SLC12A3: variants seen among roughly 807,000 people sequenced by gnomAD.
SLC12A3 encodes solute carrier family 12 member 3.
In SLC12A3, 104 loss-of-function variants were observed where a neutral mutation model predicts 121.0. The ratio of observed to expected loss-of-function variants is 0.86; its 90% CI spans 0.73 to 1.01. The LOEUF is 1.01. Among genes scored for constraint, SLC12A3 ranks in the 50% least tolerant of loss-of-function variants. SLC12A3 has a pLI of 0.00. For missense variants in SLC12A3, 1,328 were observed against 1,356.3 expected (o/e 0.98, Z 0.33); for synonymous variants, 536 against 533.4 (o/e 1.00, Z -0.07).
intron 23 of SLC12A3, among the ~76,000 whole-genome samples, chr16:56,900,550 A>ATTTATTTATTTATTTATTT (rs2055524558): frequency 2.8e-5 from 2 of 70,784 alleles, no homozygotes; most frequent in African/African-American, 2.1e-4. Context: ...TTTATTTATG[A>ATTTATTTATTTATTTATTT]GATAGAGTCT....
intron 22 of SLC12A3, among the ~76,000 whole-genome samples, chr16:56,898,065 C>T (rs2055489257): frequency 6.6e-6 from 1 of 152,190 alleles, no homozygotes; most frequent in Admixed American, 6.5e-5. Flanking sequence ...CACCCCCCTG[C>T]ACCCCGATGC....
intron 21 of SLC12A3, 51 bp downstream of exon 21, chr16:56,893,105 G>A (rs753159952): frequency 6.8e-7 from 1 of 1,461,052 alleles, no homozygotes; most frequent in Admixed American, 1.8e-5. Context: ...GCGGGGTGGT[G>A]GTGGTCTTCC....
Position 56,879,227 on chromosome 16 carries a change from G to C in SLC12A3, c.1335G>C (p.Gln445His), listed in dbSNP as rs751719312. 4 of 1,613,886 alleles carry C rather than the reference G, an allele frequency of 2.5e-6. No individual in the cohort carries two copies. Among genetic ancestry groups the C allele is most frequent in the Non-Finnish European group, 3.4e-6 (4 of 1,180,036 alleles). ...ACTACGGCCTCATCAACTATTACCA[G>C]GTACTGCCAGGAGAGCTGACCCACC... ...SCHYGLINYY[Q>H]TMSMVSGFAP... Residue 445 changes from glutamine to histidine, a missense_variant and splice_region_variant, in exon 10 of 26, where the codon CAG becomes CAC. Coordinates refer to ENST00000563236, the MANE Select transcript of SLC12A3 (RefSeq NM_001126108.2).
At chr16:56,879,023 A>G in intron 9 of SLC12A3, 50 bp from the exon 10 acceptor site, 1 of 1,566,734 alleles carries the variant, frequency 6.4e-7, no homozygotes, top group Non-Finnish European at 8.6e-7. Flanking sequence ...GGAAGAGGAC[A>G]GAGTAAGGAG....
chr16:56,902,303 G>A (rs750608918), intron 23 of SLC12A3, 70 bp from the exon 24 acceptor site: 152 of 1,603,892 alleles, frequency 9.5e-5, no homozygotes, highest in Middle Eastern at 1.7e-4. Context: ...CCAGCTCCCC[G>A]CAGGGACCTG....
chr16:56,903,615 T>C (rs558123972), intron 24 of SLC12A3, among the ~76,000 whole-genome samples: 13 of 152,248 alleles, frequency 8.5e-5, no homozygotes, highest in African/African-American at 3.1e-4. Flanking sequence ...CCAGAATCCC[T>C]TACCCACGTT....
chr16:56,895,525 ATAT>A (rs1417951799), intron 22 of SLC12A3, among the ~76,000 whole-genome samples: 1 of 149,378 alleles, frequency 6.7e-6, no homozygotes, highest in Non-Finnish European at 1.5e-5. Context: ...AATATTTTAT[ATAT>A]ATTTAAAAAT....
At position 56,878,052 on chromosome 16, in the gene SLC12A3, CTCCCTCTCT is replaced by C; in HGVS notation, c.1096-24_1096-16del. On this transcript the variant is annotated splice_polypyrimidine_tract_variant and intron_variant, in intron 8 of 25. Coordinates refer to ENST00000563236, the MANE Select transcript of SLC12A3 (RefSeq NM_001126108.2). ...CCTCCCTCTCTCCCTCCCTCCCTCCCTCCCTCTCTCCCTCCCTCCTTCAGGACCCTGCTA... is the reference window on the plus strand; with the variant it reads ...CCTCCCTCTCTCCCTCCCTCCCTCCCCCCTCCCTCCTTCAGGACCCTGCTA... The C allele has an allele frequency of 2.4e-6, 2 of 848,872 alleles. No homozygotes were observed. Among genetic ancestry groups the C allele is most frequent in the Non-Finnish European group, 1.9e-6 (1 of 514,132 alleles). 52.6% of individuals were successfully genotyped at this position (848,872 alleles called of 1,614,324 possible).
intron 1 of SLC12A3, among the ~76,000 whole-genome samples, chr16:56,866,816 C>T (rs1461721661): frequency 2.0e-5 from 3 of 152,202 alleles, no homozygotes; most frequent in Non-Finnish European, 4.4e-5. Context: ...CCTTGTTGCC[C>T]AGGCTGGTCT....
intron 10 of SLC12A3, 104 bp downstream of exon 10, chr16:56,879,331 G>T: frequency 1.3e-6 from 2 of 1,481,592 alleles, no homozygotes; most frequent in Non-Finnish European, 1.9e-6. Context: ...AGTTTTGGGG[G>T]TTGAGGCCTA....
chr16:56,902,537 C>A (rs370601434), intron 24 of SLC12A3, 29 bp downstream of exon 24: 1 of 1,587,062 alleles, frequency 6.3e-7, no homozygotes, highest in Non-Finnish European at 8.6e-7. Context: ...GTGGGAAACG[C>A]GACACATCAC....
At chr16:56,895,632 G>A (rs2055452319) in intron 22 of SLC12A3, among the ~76,000 whole-genome samples, 1 of 152,048 alleles carries the variant, frequency 6.6e-6, no homozygotes, top group African/African-American at 2.4e-5. Context: ...TAGGGCATCA[G>A]TCCCCAACCT....
At chr16:56,909,889 T>C (rs1455274964) in intron 25 of SLC12A3, among the ~76,000 whole-genome samples, 1 of 152,224 alleles carries the variant, frequency 6.6e-6, no homozygotes, top group African/African-American at 2.4e-5. Flanking sequence ...TAGAGCCGGT[T>C]TGAGGCAGCA....
chr16:56,872,228 G>C, intron 6 of SLC12A3, 123 bp from the exon 7 acceptor site: 1 of 715,192 alleles, frequency 1.4e-6, no homozygotes, highest in Non-Finnish European at 2.5e-6. Context: ...TGCATAATGG[G>C]TGTTGAATGA....
rs2055365114 is a variant in SLC12A3 at position 56,889,780 on chromosome 16, A to G, written c.2286-494A>G. Among the ~76,000 whole-genome samples the G allele has an allele frequency of 1.3e-5, 2 of 152,060 alleles. 1 individual carries two copies. The highest frequency in any genetic ancestry group is 4.1e-4 in the South Asian group (2 of 4,822). On this transcript the variant is annotated intron_variant, in intron 18 of 25. Transcript: ENST00000563236. Reference sequence around the variant, plus strand: ...GTAAACCACTGCGCCCGGCCTCCAGACATCTTTATAGACAGCCTATTGCAG... The same window carrying G: ...GTAAACCACTGCGCCCGGCCTCCAGGCATCTTTATAGACAGCCTATTGCAG...
At chr16:56,890,161 A>C in intron 18 of SLC12A3, 113 bp from the exon 19 acceptor site, 1 of 803,354 alleles carries the variant, frequency 1.2e-6, no homozygotes, top group South Asian at 1.4e-5. Context: ...CAGAGAACAG[A>C]AAGGGCGTGG....
rs1227886073 is a variant in SLC12A3 at position 56,892,999 on chromosome 16, C to T, written c.2466C>T (p.Phe822=). 1 of 1,614,244 alleles carries T rather than the reference C, an allele frequency of 6.2e-7. No individual in the cohort carries two copies. Among genetic ancestry groups the T allele is most frequent in the East Asian group, 2.2e-5 (1 of 44,890 alleles). ...LVKEEQATTI[F]QSEQGKKTID... The stretch of plus-strand genomic sequence containing the variant: ...AGGAGGAGCAGGCCACCACCATCTT[C>T]CAGTCGGAGCAGGGCAAGAAGACCA... The change falls in exon 21 of 26, where the codon TTC becomes TTT. Residue 822 remains phenylalanine (F), a synonymous_variant. Transcript: ENST00000563236.
intron 14 of SLC12A3, 37 bp from the exon 15 acceptor site, chr16:56,885,228 C>G (rs1479070629): frequency 5.6e-6 from 7 of 1,239,058 alleles, no homozygotes; most frequent in Non-Finnish European, 8.1e-6. Context: ...TGATTCCTAA[C>G]TCTGCTCTCA....
chr16:56,889,505 C>T (rs1163178880), intron 18 of SLC12A3, among the ~76,000 whole-genome samples: 2 of 152,168 alleles, frequency 1.3e-5, no homozygotes, highest in African/African-American at 2.4e-5. Flanking sequence ...GAGACAGAGT[C>T]TTGTTCTGTC....
Sources: gnomAD v4.1 joint callset for allele counts (sites outside exome capture counted in the v4.1 genomes callset) on GRCh38, gnomAD v4.1.1 for gene constraint, MANE v1.5 for transcripts, NCBI Gene and HGNC (gene_info 2026-07-23, HGNC 2026-07-21) for gene names.